MROH6: variants seen among roughly 807,000 people sequenced by gnomAD.
MROH6 encodes maestro heat-like repeat-containing protein family member 6.
Under a neutral mutation model 67.7 loss-of-function variants are expected in MROH6, and 62 were observed. That is an observed-to-expected ratio of 0.92 (90% CI 0.75 to 1.13). The LOEUF is 1.13. Among genes scored for constraint, MROH6 ranks in the 50% most tolerant of loss-of-function variants. The pLI, the probability that MROH6 is intolerant of heterozygous loss-of-function variation, is 0.00. For missense variants in MROH6, 1,175 were observed against 1,029.1 expected (o/e 1.14, Z -1.94); for synonymous variants, 566 against 470.8 (o/e 1.20, Z -2.62).
rs771133536 is a variant in MROH6 at position 143,568,146 on chromosome 8, C to A, written c.1760G>T (p.Arg587Leu). 6.2e-7 allele frequency: 1 copy of A among 1,605,546 alleles called. No individual in the cohort carries two copies. Among genetic ancestry groups the A allele is most frequent in the South Asian group, 1.1e-5 (1 of 89,538 alleles). Residue 587 changes from arginine (R) to leucine (L), a missense_variant, in exon 11 of 14, where the codon CGC (arginine) becomes CTC (leucine). Physicochemically the swap from Arg to Leu is moderately radical, Grantham distance 102 (BLOSUM62 -2). Coordinates refer to ENST00000398882, the MANE Select transcript of MROH6 (RefSeq NM_001100878.2). Reference protein sequence around the residue: ...SPEALSHLCCRLVQRYPGHVP... With the variant: ...SPEALSHLCCLLVQRYPGHVP... ...CACCTTGCTTCCCCTACTGACCAGG[C>A]GGCAGCAGAGGTGGCTCAGGGCCTC...
Position 143,568,633 on chromosome 8 carries a change from G to A in MROH6, c.1563C>T (p.Arg521=). ...RGRGGLRLGL[R]GPLRKLVLQS... ...GCAGCACCAGCTTCCGCAGGGGGCCGCGGAGCCCCAGCCGGAGCCCGCCCC... is the reference window on the plus strand; with the variant it reads ...GCAGCACCAGCTTCCGCAGGGGGCCACGGAGCCCCAGCCGGAGCCCGCCCC... Residue 521 remains arginine, a synonymous_variant, in exon 10 of 14, where the codon CGC becomes CGT. Coordinates refer to ENST00000398882, the MANE Select transcript of MROH6 (RefSeq NM_001100878.2). 2 of 1,537,634 alleles carry A rather than the reference G, an allele frequency of 1.3e-6. No individual in the cohort carries two copies. The highest frequency in any genetic ancestry group is 8.7e-7 in the Non-Finnish European group (1 of 1,147,566).
chr8:143,572,767 A>G lies in MROH6; in HGVS notation c.-53T>C, dbSNP rs1391192868. ...CTGCTCCTCCTGCGAAGTTGTGCCC[A>G]GGACTGACCTAGAAGCCGCCCCGGG... On this transcript the variant is annotated 5_prime_UTR_variant, in exon 1 of 14. Transcript: ENST00000398882. 2 of 1,425,446 alleles carry G rather than the reference A, an allele frequency of 1.4e-6. No individual in the cohort carries two copies. Among genetic ancestry groups the G allele is most frequent in the Non-Finnish European group, 1.8e-6 (2 of 1,093,744 alleles). The allele number at this position is 1,425,446 out of a possible 1,614,324, so 88.3% of individuals were successfully genotyped here. A position where few individuals can be genotyped will look rare whatever the true frequency, so the allele number is the denominator to read the frequency against.
In MROH6 at chr8:143,571,709, TC is replaced by T; in HGVS notation, c.559del (p.Asp187ThrfsTer16). On this transcript the variant is annotated frameshift_variant, in exon 3 of 14. Transcript: ENST00000398882. LOFTEE classifies it high-confidence loss of function. ...GCGGGGTAGCAGCGCACACACCACG[TC>T]CCGCGCATGCTCCAGGGCCAGTGCG... ...LSALALEHAR[D>X]VVCALLPRSL... 6.4e-7 allele frequency: 1 copy of T among 1,551,570 alleles called. No homozygotes were observed. The highest frequency in any genetic ancestry group is 8.7e-7 in the Non-Finnish European group (1 of 1,148,514).
At position 143,569,850 on chromosome 8, in the gene MROH6, G is replaced by C; in HGVS notation, c.1159-10C>G. ...GCCGGCTCTGCAACAGCTAGGCGAG[G>C]CACATGGGGTCAGCACGCCCGCGGT... On this transcript the variant is annotated splice_polypyrimidine_tract_variant and intron_variant, in intron 7 of 13. Coordinates refer to ENST00000398882, the MANE Select transcript of MROH6 (RefSeq NM_001100878.2). The C allele has an allele frequency of 6.2e-7, 1 of 1,610,390 alleles. No individual in the cohort carries two copies. Among genetic ancestry groups the C allele is most frequent in the South Asian group, 1.1e-5 (1 of 90,832 alleles).
Position 143,567,483 on chromosome 8 carries a change from C to A in MROH6, c.1934-18G>T. The A allele has an allele frequency of 7.0e-7, 1 of 1,427,720 alleles. No homozygotes were observed. The highest frequency in any genetic ancestry group is 9.2e-7 in the Non-Finnish European group (1 of 1,086,042). The allele number at this position is 1,427,720 out of a possible 1,614,324, so 88.4% of individuals were successfully genotyped here. A position where few individuals can be genotyped will look rare whatever the true frequency, so the allele number is the denominator to read the frequency against. On this transcript the variant is annotated intron_variant, in intron 13 of 13. Transcript: ENST00000398882. ...CCCTAGGTCTGCGAGGAGATCGCGG[C>A]TCAGGCTGGGGAGCCCAGGAGGGCC...
In MROH6 at chr8:143,570,476, G is replaced by A. The variant is rs747741677; in HGVS notation, c.902C>T (p.Ala301Val). 1 of 1,611,686 alleles carries A rather than the reference G, an allele frequency of 6.2e-7. No homozygotes were observed. Among genetic ancestry groups the A allele is most frequent in the Non-Finnish European group, 8.5e-7 (1 of 1,178,860 alleles). ...LSHRGPPHSH[A>V]SCAVEALKAL... ...GTAACCTGGTGTTGCCTCTCACCTG[G>A]CATGGCTATGTGGTGGCCCTCGGTG... Residue 301 changes from alanine (A) to valine (V), a missense_variant, in exon 5 of 14, where the codon GCC becomes GTC. Transcript: ENST00000398882.
At position 143,570,594 on chromosome 8, in the gene MROH6, A is replaced by G. The variant is rs1407970590; in HGVS notation, c.784T>C (p.Tyr262His). ...SGCVGATRGF[Y>H]PHLLLALVTQ... The stretch of plus-strand genomic sequence containing the variant: ...ACCAGCGCAAGCAGCAGATGTGGGT[A>G]GAAGCCCCTCGTGGCTCCCACGCAG... The change falls in exon 5 of 14, where the codon TAC becomes CAC. Residue 262 changes from tyrosine to histidine, a missense_variant. By Grantham distance (83) the Tyr-to-His change is moderately conservative. Transcript: ENST00000398882. The G allele has an allele frequency of 1.2e-6, 2 of 1,604,750 alleles. No individual in the cohort carries two copies. The highest frequency in any genetic ancestry group is 1.7e-6 in the Non-Finnish European group (2 of 1,179,782).
chr8:143,570,806 GC>G, intron 4 of MROH6, 70 bp downstream of exon 4: 1 of 1,424,210 alleles, frequency 7.0e-7, no homozygotes, highest in Non-Finnish European at 9.5e-7. Flanking sequence ...AACTCCCTAT[GC>G]CCATCCTCCC....
In MROH6 at chr8:143,572,124, C is replaced by T. The variant is rs1300668751; in HGVS notation, c.356G>A (p.Cys119Tyr). Residue 119 changes from cysteine to tyrosine, a missense_variant, in exon 2 of 14, where the codon TGC becomes TAC. By Grantham distance (194) the Cys-to-Tyr change is radical. Coordinates refer to ENST00000398882, the MANE Select transcript of MROH6 (RefSeq NM_001100878.2). ...LADLALYTAA[C>Y]LEEAGFAGTQ... ...CCCTGCAAAGCCAGCCTCCTCCAGG[C>T]AGGCAGCCGTGTACAACGCGAGGTC... The T allele has an allele frequency of 6.2e-7, 1 of 1,612,918 alleles. No individual in the cohort carries two copies. Among genetic ancestry groups the T allele is most frequent in the African/African-American group, 1.3e-5 (1 of 74,900 alleles).
At position 143,566,986 on chromosome 8, in the gene MROH6, G is replaced by A. The variant is rs10102146; in HGVS notation, c.*253C>T. The A allele has an allele frequency of 0.17, 53,758 of 322,950 alleles. 4,977 individuals carry two copies. Among genetic ancestry groups the A allele is most frequent in the Non-Finnish European group, 0.2 (35,943 of 176,540 alleles). The allele number at this position is 322,950 out of a possible 1,614,324, so 20.0% of individuals were successfully genotyped here. A position where few individuals can be genotyped will look rare whatever the true frequency, so the allele number is the denominator to read the frequency against. On this transcript the variant is annotated 3_prime_UTR_variant, in exon 14 of 14. Transcript: ENST00000398882. ...ATCTGGGCCAGGAGCCAGGCCCAAG[G>A]TTGGGGCATGGGGCATGCTCCAGGG...
At chr8:143,569,385 G>A (rs1438882357) in intron 9 of MROH6, 56 bp downstream of exon 9, 2 of 1,352,594 alleles carry the variant, frequency 1.5e-6, no homozygotes, top group African/African-American at 3.1e-5. Flanking sequence ...GAGACTGGAA[G>A]GGCGGGGGCG....
rs781477776 is a variant in MROH6, at chr8:143,570,622, C to G, written c.756G>C (p.Ser252=). 7.5e-6 allele frequency: 12 copies of G among 1,599,582 alleles called. No individual in the cohort carries two copies. Among genetic ancestry groups the G allele is most frequent in the Non-Finnish European group, 1.0e-5 (12 of 1,179,450 alleles). ...AGCCCCTCGTGGCTCCCACGCAGCC[C>G]GAAACAGCCAGCATCTCCCCAAGAG... The part of the protein sequence containing the change: ...TRALGEMLAV[S]GCVGATRGFY... Residue 252 remains serine (S), a synonymous_variant, in exon 5 of 14, where the codon TCG becomes TCC. Transcript: ENST00000398882.
chr8:143,568,696 C>A lies in MROH6; in HGVS notation c.1500G>T (p.Ser500=). 2 of 1,505,666 alleles carry A rather than the reference C, an allele frequency of 1.3e-6. No homozygotes were observed. The highest frequency in any genetic ancestry group is 1.8e-6 in the Non-Finnish European group (2 of 1,131,540). 93.3% of individuals were successfully genotyped at this position (1,505,666 alleles called of 1,614,324 possible). The part of the protein sequence containing the change: ...LDDTRDSIRA[S]AVGLLGTLVR... ...CCAGAGTCCCAAGGAGCCCGACGGC[C>A]GAGGCGCGGATTGAGTCCCGTGTCT... The change falls in exon 10 of 14, where the codon TCG becomes TCT. Residue 500 remains serine (S), a synonymous_variant. Transcript: ENST00000398882.
chr8:143,569,090 GGGC>G (rs1823821791), intron 9 of MROH6, among the ~76,000 whole-genome samples: 1 of 36,304 alleles, frequency 2.8e-5, no homozygotes, highest in African/African-American at 1.2e-4. Flanking sequence ...TGGAGGGGCG[GGGC>G]GGAGCCTGGG....
At chr8:143,568,772 G>A in intron 9 of MROH6, 53 bp from the exon 10 acceptor site, 3 of 1,306,176 alleles carry the variant, frequency 2.3e-6, no homozygotes, top group Admixed American at 2.8e-5. Context: ...GGCTGCAAGG[G>A]TGGGAGGGGG....
At chr8:143,569,330 G>C (rs1373464126) in intron 9 of MROH6, 111 bp downstream of exon 9, 1 of 852,184 alleles carries the variant, frequency 1.2e-6, no homozygotes, top group Non-Finnish European at 1.6e-6. Context: ...GGGCCTGAGA[G>C]GGCGGGGCCT....
Position 143,570,917 on chromosome 8 carries a change from G to A in MROH6, c.680C>T (p.Ala227Val), listed in dbSNP as rs118061788. The A allele has an allele frequency of 2.9e-4, 440 of 1,524,146 alleles. 3 individuals are homozygous for A. The East Asian group carries it at 8.6e-3, about 30-fold the overall frequency. 94.4% of individuals were successfully genotyped at this position (1,524,146 alleles called of 1,614,324 possible). ...CTCCGGCCCCGAAGCACCCTTCAGC[G>A]CCCACAGCAGTTGCACCAGCACCTG... ...NGQVLVQLLW[A>V]LKGASGPEPQ... is the part of the protein sequence containing the mutation. The change falls in exon 4 of 14, where the codon GCG becomes GTG. Residue 227 changes from alanine (A) to valine (V), a missense_variant. Physicochemically the swap from Ala to Val is moderately conservative, Grantham distance 64. Transcript: ENST00000398882.
At position 143,567,198 on chromosome 8, in the gene MROH6, GCCCGAGTCGGAC is replaced by G; in HGVS notation, c.*29_*40del. 8.8e-7 allele frequency: 1 copy of G among 1,137,434 alleles called. No homozygotes were observed. The highest frequency in any genetic ancestry group is 1.1e-6 in the Non-Finnish European group (1 of 905,234). The allele number at this position is 1,137,434 out of a possible 1,614,324, so 70.5% of individuals were successfully genotyped here. A position where few individuals can be genotyped will look rare whatever the true frequency, so the allele number is the denominator to read the frequency against. Reference sequence around the variant, plus strand: ...GGACAGGCTGCTATGCGCGTGGGGTGCCCGAGTCGGACCCTGGCCCTCGGGCCCCAGCCCCGA... The same window carrying G: ...GGACAGGCTGCTATGCGCGTGGGGTGCCTGGCCCTCGGGCCCCAGCCCCGA... On this transcript the variant is annotated 3_prime_UTR_variant, in exon 14 of 14. Coordinates refer to ENST00000398882, the MANE Select transcript of MROH6 (RefSeq NM_001100878.2).
intron 7 of MROH6, 52 bp from the exon 8 acceptor site, chr8:143,569,892 G>A (rs1443915826): frequency 3.1e-6 from 5 of 1,610,386 alleles, no homozygotes; most frequent in Non-Finnish European, 4.2e-6. Flanking sequence ...GCAGGCCGCT[G>A]CGATTCAGGG....
Sources: allele counts gnomAD v4.1 joint callset (sites outside exome capture counted in the v4.1 genomes callset), GRCh38; gene constraint gnomAD v4.1.1; transcripts MANE v1.5; gene names NCBI Gene and HGNC (gene_info 2026-07-23, HGNC 2026-07-21).